The following DLGAP2 variants were observed in gnomAD, a reference collection of about 807,000 sequenced individuals.
DLGAP2 encodes DLG associated protein 2.
A neutral mutation model predicts 100.3 loss-of-function variants in DLGAP2; 26 were observed. That is an observed-to-expected ratio of 0.26 (90% CI 0.19 to 0.36). DLGAP2 has a LOEUF of 0.36. DLGAP2 is among the 10% of genes least tolerant of loss of function. The pLI, the probability that DLGAP2 is intolerant of heterozygous loss-of-function variation, is 1.00. For missense variants in DLGAP2, 1,858 were observed against 1,453.2 expected, an observed-to-expected ratio of 1.28 and a Z score of -4.53; for synonymous variants, 886 against 630.1, an observed-to-expected ratio of 1.41 and a Z score of -6.08.
intron 1 of DLGAP2, among the ~76,000 whole-genome samples, chr8:798,911 G>A (rs1402365083): frequency 6.6e-6 from 1 of 152,290 alleles, no homozygotes; most frequent in Non-Finnish European, 1.5e-5. Flanking sequence ...TGCTTCCGTT[G>A]GCACTGAAAG....
intron 1 of DLGAP2, among the ~76,000 whole-genome samples, chr8:747,005 G>A (rs148856192): frequency 6.6e-6 from 1 of 152,108 alleles, no homozygotes; most frequent in Non-Finnish European, 1.5e-5. Flanking sequence ...CACCATGTCC[G>A]AGCCAGTGGC....
chr8:852,726 C>T (rs1481993842), intron 1 of DLGAP2, among the ~76,000 whole-genome samples: 2 of 152,208 alleles, frequency 1.3e-5, no homozygotes, highest in African/African-American at 4.8e-5. Context: ...AAAATATCCA[C>T]CCAAACCCAG....
chr8:1,603,232 C>G (rs1796685451), intron 6 of DLGAP2, among the ~76,000 whole-genome samples: 2 of 144,412 alleles, frequency 1.4e-5, no homozygotes, highest in Non-Finnish European at 3.0e-5. Flanking sequence ...GAGGCTGGGT[C>G]TCAGTTCTAC....
At chr8:1,365,231 C>T (rs1049006261) in intron 3 of DLGAP2, among the ~76,000 whole-genome samples, 1 of 152,176 alleles carries the variant, frequency 6.6e-6, no homozygotes, top group African/African-American at 2.4e-5. Flanking sequence ...CTGGGAGACA[C>T]TCCTTAGGGA....
intron 2 of DLGAP2, among the ~76,000 whole-genome samples, chr8:1,243,648 G>A (rs554141270): frequency 1.6e-4 from 25 of 152,086 alleles, no homozygotes; most frequent in African/African-American, 6.0e-4. Context: ...TCATGGCACG[G>A]TTCCCATGTC....
At chr8:1,369,104 C>T (rs1292157323) in intron 3 of DLGAP2, 1 of 152,182 alleles carries the variant, frequency 6.6e-6, no homozygotes, top group East Asian at 1.9e-4. Flanking sequence ...ATGCAGAACC[C>T]TAAATCCACA....
chr8:859,497 G>T (rs3860880), intron 1 of DLGAP2, among the ~76,000 whole-genome samples: 75,973 of 151,660 alleles, frequency 0.5, 19,464 homozygotes, highest in Admixed American at 0.62. Context: ...AGCGGCACGT[G>T]TGAGCTGATC....
intron 8 of DLGAP2, among the ~76,000 whole-genome samples, chr8:1,659,529 T>C (rs190873401): frequency 2.1e-4 from 32 of 152,346 alleles, no homozygotes; most frequent in Non-Finnish European, 3.5e-4. Flanking sequence ...GGTGCTCCTG[T>C]ATTGGGTGTG....
At chr8:1,172,529 C>G (rs545801274) in intron 2 of DLGAP2, among the ~76,000 whole-genome samples, 2 of 152,204 alleles carry the variant, frequency 1.3e-5, no homozygotes, top group African/African-American at 4.8e-5. Flanking sequence ...ACCAATCAGA[C>G]GTAGATTTGG....
chr8:1,361,168 A>G (rs1409023364), intron 3 of DLGAP2, among the ~76,000 whole-genome samples: 3 of 152,126 alleles, frequency 2.0e-5, no homozygotes, highest in African/African-American at 7.2e-5. Context: ...CAGATTTGCA[A>G]CAGTGTCTGC....
intron 2 of DLGAP2, among the ~76,000 whole-genome samples, chr8:1,128,134 G>C (rs1796210311): frequency 6.6e-6 from 1 of 151,978 alleles, no homozygotes. Flanking sequence ...TGCTCCCCGT[G>C]TTGTGTTCGG....
chr8:1,627,544 T>A (rs564562461), intron 7 of DLGAP2, among the ~76,000 whole-genome samples: 1 of 152,380 alleles, frequency 6.6e-6, no homozygotes, highest in East Asian at 1.9e-4. Flanking sequence ...CTATATTACA[T>A]GGCAAAGAAG....
chr8:872,676 C>T (rs766363260), intron 1 of DLGAP2, among the ~76,000 whole-genome samples: 1 of 152,096 alleles, frequency 6.6e-6, no homozygotes, highest in Non-Finnish European at 1.5e-5. Flanking sequence ...ATTCATATAC[C>T]CCATACTACT....
intron 4 of DLGAP2, among the ~76,000 whole-genome samples, chr8:1,536,002 G>T (rs1471080740): frequency 6.6e-6 from 1 of 152,208 alleles, no homozygotes; most frequent in Non-Finnish European, 1.5e-5. Flanking sequence ...AGTCTAGTGT[G>T]TCGGCTATAA....
chr8:936,442 G>A (rs1477888895), intron 2 of DLGAP2, among the ~76,000 whole-genome samples: 4 of 152,188 alleles, frequency 2.6e-5, no homozygotes, highest in Non-Finnish European at 4.4e-5. Flanking sequence ...AGAACTTAAT[G>A]CCTAGGGAGG....
chr8:1,549,790 G>GC (rs1244121621), intron 5 of DLGAP2, 107 bp downstream of exon 5: 1 of 1,202,678 alleles, frequency 8.3e-7, no homozygotes, highest in Non-Finnish European at 1.1e-6. Context: ...TTTAGGTTGT[G>GC]CAACAGGATG....
intron 3 of DLGAP2, among the ~76,000 whole-genome samples, chr8:1,450,444 GCC>G (rs1798122389): frequency 7.1e-6 from 1 of 141,842 alleles, no homozygotes; most frequent in Non-Finnish European, 1.5e-5. Flanking sequence ...GAGGTGGGCG[GCC>G]TCGGTGGCTG....
At chr8:1,691,667 GC>G in intron 13 of DLGAP2, 41 bp downstream of exon 13, 1 of 1,476,078 alleles carries the variant, frequency 6.8e-7, no homozygotes, top group Non-Finnish European at 9.4e-7. Flanking sequence ...CTGTAACCAA[GC>G]TAATGGGCAT....
At chr8:1,526,540 AAGCAAAGCTGGTTTGTTCTCAT>A (rs1431492437) in intron 4 of DLGAP2, among the ~76,000 whole-genome samples, 1 of 152,170 alleles carries the variant, frequency 6.6e-6, no homozygotes, top group Admixed American at 6.5e-5. Context: ...TCATTTGAAC[AAGCAAAGCTGGTTTGTTCTCAT>A]AGCGAGACTT....
Sources: allele counts gnomAD v4.1 joint callset (sites outside exome capture counted in the v4.1 genomes callset), GRCh38; gene constraint gnomAD v4.1.1; transcripts MANE v1.5; gene names NCBI Gene and HGNC (gene_info 2026-07-23, HGNC 2026-07-21).